The following FHIT variants were observed in gnomAD, a reference collection of about 807,000 sequenced individuals.
FHIT encodes the protein fragile histidine triad diadenosine triphosphatase, also known as bis(5'-adenosyl)-triphosphatase.
FHIT carries 19 observed loss-of-function variants against 17.9 expected under a neutral mutation model. That is an observed-to-expected ratio of 1.06 (90% CI 0.74 to 1.56). The LOEUF (loss-of-function observed/expected upper bound fraction) is 1.56. FHIT is among the 40% of genes most tolerant of loss of function. FHIT has a pLI of 0.00. For synonymous variants in FHIT, 81 were observed against 69.7 expected, an observed-to-expected ratio of 1.16 and a Z score of -0.81; for missense variants, 248 against 189.2, an observed-to-expected ratio of 1.31 and a Z score of -1.82.
At chr3:60,112,474 A>C (rs9852879) in intron 5 of FHIT, among the ~76,000 whole-genome samples, 30,460 of 152,070 alleles carry the variant, frequency 0.2, 3,535 homozygotes, top group African/African-American at 0.32. Flanking sequence ...AAAACTCAGA[A>C]AGCTGGAGAG....
chr3:60,283,021 G>A (rs1707536138), intron 5 of FHIT, among the ~76,000 whole-genome samples: 1 of 152,084 alleles, frequency 6.6e-6, no homozygotes, highest in Non-Finnish European at 1.5e-5. Context: ...GCTGTTTAGA[G>A]GTAACAGATG....
intron 8 of FHIT, among the ~76,000 whole-genome samples, chr3:59,866,258 C>A (rs1396765586): frequency 6.6e-6 from 1 of 151,776 alleles, no homozygotes; most frequent in Non-Finnish European, 1.5e-5. Context: ...CAGGAAGAAC[C>A]ATTCCACGCA....
At chr3:60,541,689 C>G (rs1410567451) in intron 4 of FHIT, among the ~76,000 whole-genome samples, 1 of 152,176 alleles carries the variant, frequency 6.6e-6, no homozygotes, top group African/African-American at 2.4e-5. Flanking sequence ...GACTATGAAC[C>G]TGAAACAGCT....
At chr3:60,238,140 T>C in intron 5 of FHIT, among the ~76,000 whole-genome samples, 1 of 71,140 alleles carries the variant, frequency 1.4e-5, no homozygotes, top group Non-Finnish European at 3.1e-5. Flanking sequence ...CGAGACTCCG[T>C]CTCAAAAAAA....
chr3:59,851,613 T>C (rs973472489), intron 8 of FHIT, among the ~76,000 whole-genome samples: 3 of 152,204 alleles, frequency 2.0e-5, no homozygotes, highest in African/African-American at 4.8e-5. Flanking sequence ...TTCTTAGTCA[T>C]TGTTGCAAAG....
chr3:60,724,876 T>G (rs544189574), intron 4 of FHIT, among the ~76,000 whole-genome samples: 1 of 152,238 alleles, frequency 6.6e-6, no homozygotes, highest in East Asian at 1.9e-4. Flanking sequence ...CTCAAACTCC[T>G]GGCCTCAAGT....
intron 5 of FHIT, among the ~76,000 whole-genome samples, chr3:60,243,887 T>A (rs1270148820): frequency 2.0e-5 from 3 of 152,146 alleles, no homozygotes; most frequent in African/African-American, 7.2e-5. Flanking sequence ...ATGTGCTCTC[T>A]AAATTATGTT....
chr3:59,993,938 C>T (rs1201708170), intron 7 of FHIT, among the ~76,000 whole-genome samples: 2 of 152,014 alleles, frequency 1.3e-5, no homozygotes, highest in African/African-American at 4.8e-5. Context: ...TAATAGCTAA[C>T]ATGCACTGAG....
intron 8 of FHIT, among the ~76,000 whole-genome samples, chr3:59,753,984 C>G (rs73837772): frequency 0.024 from 3,585 of 151,886 alleles, 144 homozygotes; most frequent in African/African-American, 0.083. Context: ...AAAGTTGATC[C>G]TTTAAAAATA....
At chr3:60,359,352 C>T (rs974449001) in intron 5 of FHIT, among the ~76,000 whole-genome samples, 2 of 135,626 alleles carry the variant, frequency 1.5e-5, no homozygotes, top group African/African-American at 5.6e-5. Context: ...GTGATCTTGG[C>T]TCAATGCAAC....
chr3:60,278,202 C>A (rs923968450), intron 5 of FHIT, among the ~76,000 whole-genome samples: 1 of 152,094 alleles, frequency 6.6e-6, no homozygotes, highest in African/African-American at 2.4e-5. Context: ...GTTTTATGTC[C>A]AAGAACCCTA....
At chr3:60,551,851 A>G (rs1235495882) in intron 4 of FHIT, among the ~76,000 whole-genome samples, 1 of 151,814 alleles carries the variant, frequency 6.6e-6, no homozygotes. Flanking sequence ...TACAATTCAT[A>G]TACCATAAAA....
intron 7 of FHIT, among the ~76,000 whole-genome samples, chr3:59,922,637 G>A (rs1448931430): frequency 1.7e-4 from 26 of 152,252 alleles, no homozygotes; most frequent in Non-Finnish European, 1.5e-5. Context: ...GAGTTGGTGC[G>A]AAATGCTAGA....
chr3:60,569,755 A>ATATATATATATATATATTTTT lies in FHIT; in HGVS notation c.-17-32777_-17-32776insAAAAATATATATATATATATA. Among the ~76,000 whole-genome samples, 15 of 77,332 alleles carry ATATATATATATATATATTTTT rather than the reference A, an allele frequency of 1.9e-4. 1 individual carries two copies. Among genetic ancestry groups the ATATATATATATATATATTTTT allele is most frequent in the Admixed American group, 8.0e-4 (4 of 5,000 alleles). The allele number at this position is 77,332 out of a possible 152,430, so 50.7% of individuals were successfully genotyped here. ...TATATATATATATATATATATATAT[A>ATATATATATATATATATTTTT]TTTTTTTTTTTTTTAGACAGAGTTT... On this transcript the variant is annotated intron_variant, in intron 4 of 9. Transcript: ENST00000492590.
chr3:59,863,616 T>G (rs1286745938), intron 8 of FHIT, among the ~76,000 whole-genome samples: 1 of 152,204 alleles, frequency 6.6e-6, no homozygotes, highest in Admixed American at 6.5e-5. Flanking sequence ...TAGCTCATAG[T>G]AGGGAGTCAC....
intron 5 of FHIT, among the ~76,000 whole-genome samples, chr3:60,352,550 A>C (rs959268211): frequency 6.6e-6 from 1 of 152,120 alleles, no homozygotes; most frequent in African/African-American, 2.4e-5. Flanking sequence ...CATTCAGGCT[A>C]AAGTACAGTG....
intron 8 of FHIT, among the ~76,000 whole-genome samples, chr3:59,776,917 G>T (rs941401841): frequency 6.6e-6 from 1 of 152,068 alleles, no homozygotes; most frequent in Non-Finnish European, 1.5e-5. Context: ...TCAGAACTCC[G>T]ATTCTTAACC....
chr3:60,447,097 C>T (rs893594680), intron 5 of FHIT, among the ~76,000 whole-genome samples: 1 of 151,976 alleles, frequency 6.6e-6, no homozygotes, highest in African/African-American at 2.4e-5. Flanking sequence ...TGAGCCAAAA[C>T]CCAGCAAATT....
At chr3:60,918,195 G>T (rs1707102214) in intron 3 of FHIT, among the ~76,000 whole-genome samples, 1 of 152,134 alleles carries the variant, frequency 6.6e-6, no homozygotes, top group South Asian at 2.1e-4. Flanking sequence ...TGATTGTGAG[G>T]CTTCCCCAGC....
Sources: gnomAD v4.1 joint callset for allele counts (sites outside exome capture counted in the v4.1 genomes callset) on GRCh38, gnomAD v4.1.1 for gene constraint, MANE v1.5 for transcripts, NCBI Gene and HGNC (gene_info 2026-07-23, HGNC 2026-07-21) for gene names.